Variants in TRIML2 observed in about 807,000 individuals in gnomAD.
TRIML2 encodes the protein tripartite motif family like 2, also known as probable E3 ubiquitin-protein ligase TRIML2.
TRIML2 carries 28 observed loss-of-function variants against 31.2 expected under a neutral mutation model. The observed-to-expected ratio is 0.90, with a 90% CI of 0.66 to 1.23. TRIML2 has a LOEUF of 1.23. Among genes scored for constraint, TRIML2 ranks in the 50% most tolerant of loss-of-function variants. The pLI, the probability that TRIML2 is intolerant of heterozygous loss-of-function variation, is 0.00. For synonymous variants in TRIML2, 187 were observed against 197.5 expected (o/e 0.95, Z 0.45); for missense variants, 536 against 528.3 (o/e 1.01, Z -0.14).
chr4:188,094,630 C>T (rs1027856644), intron 7 of TRIML2, among the ~76,000 whole-genome samples: 1 of 152,186 alleles, frequency 6.6e-6, no homozygotes, highest in East Asian at 1.9e-4. Context: ...TGAGAGAAAT[C>T]GAAGACCTAA....
intron 7 of TRIML2, among the ~76,000 whole-genome samples, chr4:188,094,612 A>C (rs1330791284): frequency 2.0e-5 from 3 of 152,188 alleles, no homozygotes; most frequent in African/African-American, 7.2e-5. Flanking sequence ...AAAGTGACAA[A>C]ACACTGATGA....
At chr4:188,099,924 C>T (rs769012733) in intron 4 of TRIML2, among the ~76,000 whole-genome samples, 7 of 149,336 alleles carry the variant, frequency 4.7e-5, no homozygotes, top group Non-Finnish European at 4.4e-5. Flanking sequence ...TTTTATCCTT[C>T]CAAGTATACT....
rs367577141 is a variant in TRIML2, at chr4:188,091,591, T to A, written c.1096A>T (p.Lys366Ter). The change falls in exon 8 of 8, where the codon AAG (lysine) becomes TAG (stop). Residue 366 changes from lysine to a stop codon, truncating the protein, a stop_gained. Coordinates refer to ENST00000682553, the MANE Select transcript of TRIML2 (RefSeq NM_173553.4). LOFTEE classifies it low-confidence loss of function (END_TRUNC). The stretch of plus-strand genomic sequence containing the variant: ...AGGAAAACGCCAACTGTGTCCAACT[T>A]CTTTTCCAGGAAGAGCCTTTTCAGA... Reference protein sequence around the residue: ...PPLKRLFLEKKLDTVGVFLDC... With the variant: ...PPLKRLFLEK 1.2e-6 allele frequency: 2 copies of A among 1,614,180 alleles called. No homozygotes were observed. Among genetic ancestry groups the A allele is most frequent in the Non-Finnish European group, 1.7e-6 (2 of 1,180,026 alleles).
intron 5 of TRIML2, chr4:188,098,123 GAAA>G (rs527418962): frequency 3.8e-3 from 784 of 208,504 alleles, no homozygotes; most frequent in South Asian, 7.1e-3. Context: ...CCGTCTCGGG[GAAA>G]AAAAAAAAAA....
chr4:188,093,769 A>AG (rs35800402), intron 7 of TRIML2, among the ~76,000 whole-genome samples: 22,673 of 152,020 alleles, frequency 0.15, 2,456 homozygotes, highest in South Asian at 0.3. Flanking sequence ...CCAGAAATAA[A>AG]GGGGGACATC....
chr4:188,096,377 A>G lies in TRIML2; in HGVS notation c.745+684T>C, dbSNP rs145622563. Among the ~76,000 whole-genome samples the G allele has an allele frequency of 7.1e-3, 1,079 of 151,658 alleles. 20 individuals are homozygous for G. Among genetic ancestry groups the G allele is most frequent in the African/African-American group, 0.025 (1,025 of 41,390 alleles). On this transcript the variant is annotated intron_variant, in intron 7 of 7. Transcript: ENST00000682553. Reference sequence around the variant, plus strand: ...TGGTAAGACCTCATCTCTACTATACAAAAAATTAGCCAGGTGTGGTGGTGC... The same window carrying G: ...TGGTAAGACCTCATCTCTACTATACGAAAAATTAGCCAGGTGTGGTGGTGC...
intron 7 of TRIML2, chr4:188,093,130 A>G (rs963235552): frequency 3.8e-6 from 1 of 265,168 alleles, no homozygotes; most frequent in Admixed American, 4.8e-5. Context: ...CAGCTCCCTC[A>G]TTGCTTCAGT....
At chr4:188,104,633 G>A (rs1733945920) in intron 3 of TRIML2, among the ~76,000 whole-genome samples, 1 of 152,146 alleles carries the variant, frequency 6.6e-6, no homozygotes, top group Non-Finnish European at 1.5e-5. Context: ...AAAGTGCTGG[G>A]ATTACAGGCG....
intron 3 of TRIML2, 42 bp from the exon 4 acceptor site, chr4:188,101,292 AGATT>A: frequency 7.6e-7 from 1 of 1,323,480 alleles, no homozygotes; most frequent in Non-Finnish European, 1.1e-6. Context: ...TAAACATGAT[AGATT>A]AACAACACAC....
intron 4 of TRIML2, among the ~76,000 whole-genome samples, chr4:188,099,563 CAA>C (rs199949049): frequency 8.3e-6 from 1 of 121,006 alleles, no homozygotes; most frequent in Admixed American, 8.9e-5. Context: ...GACTCCAAAT[CAA>C]AAAAAAAAAC....
chr4:188,098,411 G>A (rs1733624122), intron 5 of TRIML2: 2 of 257,846 alleles, frequency 7.8e-6, no homozygotes, highest in Admixed American at 4.9e-5. Context: ...CAGGGGCTCT[G>A]CCCCCAGGCC....
At chr4:188,095,966 G>A (rs976490187) in intron 7 of TRIML2, among the ~76,000 whole-genome samples, 1 of 152,190 alleles carries the variant, frequency 6.6e-6, no homozygotes, top group Non-Finnish European at 1.5e-5. Context: ...TCCATCGATA[G>A]GACATTCTGG....
chr4:188,098,882 G>T, intron 5 of TRIML2, 153 bp downstream of exon 5: 2 of 838,586 alleles, frequency 2.4e-6, no homozygotes, highest in East Asian at 2.7e-5. Flanking sequence ...CATTCCTAAA[G>T]CTTTTGGCAG....
intron 7 of TRIML2, 90 bp downstream of exon 7, chr4:188,096,970 TA>T: frequency 2.0e-6 from 2 of 1,008,138 alleles, no homozygotes; most frequent in South Asian, 2.8e-5. Flanking sequence ...ATTGTTAAAC[TA>T]CTGGAATTTG....
intron 5 of TRIML2, 137 bp from the exon 6 acceptor site, chr4:188,097,483 G>T: frequency 1.2e-6 from 1 of 801,540 alleles, no homozygotes; most frequent in African/African-American, 1.7e-5. Flanking sequence ...GTTATCAGAT[G>T]AACAAATTCT....
At chr4:188,102,270 A>C (rs577443154) in intron 3 of TRIML2, among the ~76,000 whole-genome samples, 2 of 152,166 alleles carry the variant, frequency 1.3e-5, no homozygotes, top group Middle Eastern at 6.8e-3. Context: ...AGTTGTGGGG[A>C]AAAAAGGAGT....
Position 188,091,745 on chromosome 4 carries a change from G to A in TRIML2, c.942C>T (p.Thr314=), listed in dbSNP as rs969705556. The change falls in exon 8 of 8, where the codon ACC becomes ACT. Residue 314 remains threonine, a synonymous_variant. Transcript: ENST00000682553. The part of the protein sequence containing the change: ...HYWEVDVEKA[T]RWQVGIYHGS... ...CGTGGTATATGCCCACTTGCCACCT[G>A]GTTGCCTTTTCCACGTCCACCTCCC... 5 of 1,613,954 alleles carry A rather than the reference G, an allele frequency of 3.1e-6. No individual in the cohort carries two copies. Among genetic ancestry groups the A allele is most frequent in the Non-Finnish European group, 3.4e-6 (4 of 1,180,016 alleles).
At chr4:188,104,656 C>G (rs747006450) in intron 3 of TRIML2, among the ~76,000 whole-genome samples, 181 bp downstream of exon 3, 3 of 152,204 alleles carry the variant, frequency 2.0e-5, no homozygotes. Context: ...AGCCACCACA[C>G]CCAGCTTCTT....
rs17881718 is a variant in TRIML2, at chr4:188,091,526, G to C, written c.1161C>G (p.Thr387=). The change falls in exon 8 of 8, where the codon ACC becomes ACG. Residue 387 remains threonine (T), a synonymous_variant. Transcript: ENST00000682553. ...EHGQISFYNV[T]EMSLIYNFSH... ...AGAAATTGTAAATGAGGGACATCTC[G>C]GTCACATTGTAGAATGATATCTGCC... The C allele has an allele frequency of 6.2e-7, 1 of 1,613,798 alleles. No individual in the cohort carries two copies. The highest frequency in any genetic ancestry group is 1.3e-5 in the African/African-American group (1 of 74,850).
Sources: gnomAD v4.1 joint callset for allele counts (sites outside exome capture counted in the v4.1 genomes callset) on GRCh38, gnomAD v4.1.1 for gene constraint, MANE v1.5 for transcripts, NCBI Gene and HGNC (gene_info 2026-07-23, HGNC 2026-07-21) for gene names.